Variants in CCSER2 observed in about 807,000 individuals in gnomAD.
CCSER2 encodes coiled-coil serine rich protein 2.
In CCSER2, 46 loss-of-function variants were observed where a neutral mutation model predicts 92.3. The observed-to-expected ratio is 0.50, with a 90% CI of 0.39 to 0.64. The LOEUF is 0.64. CCSER2 is among the 30% of genes least tolerant of loss of function. The pLI is 0.00. For synonymous variants in CCSER2, 433 were observed against 431.4 expected, an observed-to-expected ratio of 1.00 and a Z score of -0.04; for missense variants, 1,244 against 1,238.9, an observed-to-expected ratio of 1.00 and a Z score of -0.06.
intron 1 of CCSER2, among the ~76,000 whole-genome samples, chr10:84,362,604 G>C (rs1431125998): frequency 2.0e-5 from 3 of 152,080 alleles, no homozygotes; most frequent in African/African-American, 4.8e-5. Context: ...TTCCTTTTGA[G>C]CTTAACTTTT....
chr10:84,346,494 G>T (rs925883190), intron 1 of CCSER2, among the ~76,000 whole-genome samples: 2 of 152,112 alleles, frequency 1.3e-5, no homozygotes, highest in African/African-American at 2.4e-5. Flanking sequence ...ATAAAATAGT[G>T]TAATAATTGC....
At chr10:84,391,770 C>T in intron 3 of CCSER2, 1 of 1,559,638 alleles carries the variant, frequency 6.4e-7, no homozygotes. Context: ...CCTGGTGCAC[C>T]TTTCTGAGAA....
chr10:84,330,243 A>G (rs1843486275), intron 1 of CCSER2, among the ~76,000 whole-genome samples: 1 of 152,226 alleles, frequency 6.6e-6, no homozygotes, highest in Non-Finnish European at 1.5e-5. Flanking sequence ...TTCTAGTGTC[A>G]TCTTCTACCA....
intron 9 of CCSER2, among the ~76,000 whole-genome samples, chr10:84,511,865 T>A (rs1198826256): frequency 6.6e-6 from 1 of 152,338 alleles, no homozygotes; most frequent in East Asian, 1.9e-4. Context: ...CATTTTTGTG[T>A]TGATGTGCTG....
intron 9 of CCSER2, among the ~76,000 whole-genome samples, chr10:84,485,709 A>G (rs186837236): frequency 2.3e-4 from 35 of 152,236 alleles, no homozygotes; most frequent in Non-Finnish European, 5.9e-5. Context: ...TTTAATCAGC[A>G]TTTTTCAGTT....
chr10:84,418,068 A>G (rs962662490), intron 4 of CCSER2, among the ~76,000 whole-genome samples: 2 of 152,236 alleles, frequency 1.3e-5, no homozygotes, highest in African/African-American at 4.8e-5. Flanking sequence ...ATAATTCTCT[A>G]TCATCCAATA....
intron 5 of CCSER2, 68 bp downstream of exon 5, chr10:84,425,961 C>T: frequency 8.3e-7 from 1 of 1,201,508 alleles, no homozygotes; most frequent in Non-Finnish European, 1.1e-6. Context: ...CTCCCTTTCC[C>T]AGAACCCTCA....
intron 7 of CCSER2, among the ~76,000 whole-genome samples, chr10:84,469,050 A>T (rs541745251): frequency 6.6e-6 from 1 of 152,164 alleles, no homozygotes; most frequent in Non-Finnish European, 1.5e-5. Context: ...TTGAGGCCTT[A>T]AAAATGATCT....
At chr10:84,412,439 G>A (rs554758579) in intron 3 of CCSER2, among the ~76,000 whole-genome samples, 1 of 151,258 alleles carries the variant, frequency 6.6e-6, no homozygotes, top group Non-Finnish European at 1.5e-5. Flanking sequence ...TTTTTTTTTG[G>A]TTGGTGGGCT....
At chr10:84,449,512 C>A (rs570873812) in intron 6 of CCSER2, among the ~76,000 whole-genome samples, 1 of 152,164 alleles carries the variant, frequency 6.6e-6, no homozygotes, top group Non-Finnish European at 1.5e-5. Flanking sequence ...TGTAATAGCT[C>A]TTACTTCAGG....
chr10:84,390,369 A>G lies in CCSER2; in HGVS notation c.1614+16554A>G, dbSNP rs572151416. On this transcript the variant is annotated intron_variant, in intron 3 of 9. Transcript: ENST00000372088. ...TGTGAAAGCATCATAGAATGTACTT[A>G]CACAAACTTAGAAGTTGTAGCCTAC... 3.5e-4 allele frequency among the ~76,000 whole-genome samples: 53 copies of G among 152,342 alleles called. No homozygotes were observed. The South Asian group carries it at 0.011, about 31-fold the overall frequency.
chr10:84,462,847 C>G (rs190003404), intron 6 of CCSER2, among the ~76,000 whole-genome samples: 1 of 152,312 alleles, frequency 6.6e-6, no homozygotes, highest in African/African-American at 2.4e-5. Flanking sequence ...CTCACCTCCC[C>G]TATTGTAGAC....
chr10:84,481,960 T>C (rs987508254), intron 9 of CCSER2, among the ~76,000 whole-genome samples: 1 of 152,056 alleles, frequency 6.6e-6, no homozygotes, highest in Non-Finnish European at 1.5e-5. Flanking sequence ...AGGAAGAGAA[T>C]TTTAAATTTT....
Position 84,460,300 on chromosome 10 carries a change from C to T in CCSER2, c.2065-3633C>T, listed in dbSNP as rs545829945. Among the ~76,000 whole-genome samples, 285 of 136,288 alleles carry T rather than the reference C, an allele frequency of 2.1e-3. 1 individual carries two copies. Among genetic ancestry groups the T allele is most frequent in the African/African-American group, 5.0e-3 (178 of 35,958 alleles). 89.4% of individuals were successfully genotyped at this position (136,288 alleles called of 152,430 possible). Reference sequence around the variant, plus strand: ...CATATTTTTAGTAGAAATGGGGTTTCGCCATGTTGGCCAGGCTCATCTCAA... The same window carrying T: ...CATATTTTTAGTAGAAATGGGGTTTTGCCATGTTGGCCAGGCTCATCTCAA... On this transcript the variant is annotated intron_variant, in intron 6 of 9. Coordinates refer to ENST00000372088, the MANE Select transcript of CCSER2 (RefSeq NM_001284240.2).
rs1476579586 is a variant in CCSER2 at position 84,513,619 on chromosome 10, C to T, written c.2496C>T (p.Ser832=). ...TTACACACGTCTTGCACCAAGAAAG[C>T]AACTATGGTTTGGAAGAGCAGCCTT... is the stretch of plus-strand genomic sequence containing the variant. The part of the protein sequence containing the change: ...ESFTHVLHQE[S]NYGLEEQPFS... The change falls in exon 10 of 10, where the codon AGC becomes AGT. Residue 832 remains serine (S), a synonymous_variant. Coordinates refer to ENST00000372088, the MANE Select transcript of CCSER2 (RefSeq NM_001284240.2). 2 of 1,609,252 alleles carry T rather than the reference C, an allele frequency of 1.2e-6. No individual in the cohort carries two copies. Among genetic ancestry groups the T allele is most frequent in the Non-Finnish European group, 1.7e-6 (2 of 1,178,294 alleles).
At chr10:84,389,668 C>G (rs1841416956) in intron 3 of CCSER2, 1 of 180,036 alleles carries the variant, frequency 5.6e-6, no homozygotes. Flanking sequence ...TTTGGTACAA[C>G]CAAAGAGAGT....
intron 6 of CCSER2, among the ~76,000 whole-genome samples, chr10:84,443,866 A>G (rs1420267853): frequency 6.6e-6 from 1 of 152,168 alleles, no homozygotes; most frequent in African/African-American, 2.4e-5. Flanking sequence ...GCTGGAAACC[A>G]TCATTCTTAG....
At chr10:84,487,687 CAG>C (rs935035261) in intron 9 of CCSER2, among the ~76,000 whole-genome samples, 2 of 152,178 alleles carry the variant, frequency 1.3e-5, no homozygotes, top group African/African-American at 2.4e-5. Context: ...CATCTGCAAA[CAG>C]GGACAATTTG....
chr10:84,436,683 G>A (rs924650780), intron 5 of CCSER2, among the ~76,000 whole-genome samples: 137 of 151,864 alleles, frequency 9.0e-4, no homozygotes, highest in Non-Finnish European at 2.6e-4. Context: ...GGAGGCAGGT[G>A]TGTTGAGGGA....
Sources: gnomAD v4.1 joint callset for allele counts (sites outside exome capture counted in the v4.1 genomes callset) on GRCh38, gnomAD v4.1.1 for gene constraint, MANE v1.5 for transcripts, NCBI Gene and HGNC (gene_info 2026-07-23, HGNC 2026-07-21) for gene names.